The following TRIOBP variants were observed in gnomAD, a reference collection of about 807,000 sequenced individuals.
The protein encoded by TRIOBP is TRIO and F-actin-binding protein.
A neutral mutation model predicts 238.8 loss-of-function variants in TRIOBP; 169 were observed. The ratio of observed to expected loss-of-function variants is 0.71; its 90% confidence interval spans 0.62 to 0.80. TRIOBP has a LOEUF of 0.80. Ranked by LOEUF, TRIOBP falls within the 30% of genes least tolerant of loss-of-function variation. The pLI is 0.00. For synonymous variants in TRIOBP, 1,150 were observed against 1,274.4 expected (o/e 0.90, Z 2.08); for missense variants, 2,838 against 3,122.6 (o/e 0.91, Z 2.17).
At chr22:37,721,611 G>A (rs113981873) in intron 6 of TRIOBP, among the ~76,000 whole-genome samples, 207 of 152,290 alleles carry the variant, frequency 1.4e-3, no homozygotes, top group African/African-American at 4.5e-3. Flanking sequence ...CTAGGTAGCT[G>A]GGACTACAGG....
Position 37,765,831 on chromosome 22 carries a change from G to GT in TRIOBP, c.6472+14_6472+15insT, listed in dbSNP as rs546389039. Reference sequence around the variant, plus strand: ...CCACGGCCTCAGGTATGGACCCTGGGGGGGGCACAGTGGGCTGGGCTCTGA... The same window carrying GT: ...CCACGGCCTCAGGTATGGACCCTGGGTGGGGGCACAGTGGGCTGGGCTCTGA... On this transcript the variant is annotated intron_variant, in intron 18 of 23. Coordinates refer to ENST00000644935, the MANE Select transcript of TRIOBP (RefSeq NM_001039141.3). 490 of 1,586,038 alleles carry GT rather than the reference G, an allele frequency of 3.1e-4. No homozygotes were observed. Among genetic ancestry groups the GT allele is most frequent in the South Asian group, 2.1e-3 (184 of 88,276 alleles).
At chr22:37,765,482 AC>A (rs1354183409) in intron 17 of TRIOBP, among the ~76,000 whole-genome samples, 187 bp from the exon 18 acceptor site, 1 of 151,286 alleles carries the variant, frequency 6.6e-6, no homozygotes, top group Admixed American at 6.6e-5. Context: ...GGCAGGAGCG[AC>A]AAGGTGAGGT....
chr22:37,733,544 A>C (rs1177133036), intron 8 of TRIOBP, 132 bp downstream of exon 8: 2 of 712,798 alleles, frequency 2.8e-6, no homozygotes, highest in African/African-American at 3.5e-5. Flanking sequence ...AATCATGGGG[A>C]TCCAGCTCTC....
At chr22:37,767,348 C>T (rs563824887) in intron 18 of TRIOBP, among the ~76,000 whole-genome samples, 2 of 151,522 alleles carry the variant, frequency 1.3e-5, no homozygotes, top group Admixed American at 6.6e-5. Flanking sequence ...TTTCAATGTT[C>T]AGAAGTTTCG....
intron 6 of TRIOBP, among the ~76,000 whole-genome samples, chr22:37,717,931 C>T (rs1419824349): frequency 1.3e-5 from 2 of 152,214 alleles, no homozygotes; most frequent in South Asian, 2.1e-4. Flanking sequence ...CAGGAGCCCA[C>T]GGAGGCGGGG....
rs774197236 is a variant in TRIOBP at position 37,723,743 on chromosome 22, C to T, written c.1187C>T (p.Thr396Ile). The T allele has an allele frequency of 1.3e-6, 2 of 1,587,076 alleles. No homozygotes were observed. The highest frequency in any genetic ancestry group is 1.7e-6 in the Non-Finnish European group (2 of 1,163,376). Residue 396 changes from threonine to isoleucine, a missense_variant, in exon 7 of 24, where the codon ACC (threonine) becomes ATC (isoleucine). Transcript: ENST00000644935. ...CCCAGAGCCTCCTCTCCCAACAGAACCACTCAACGAGAGAATTCCAGAACA... is the reference window on the plus strand; with the variant it reads ...CCCAGAGCCTCCTCTCCCAACAGAATCACTCAACGAGAGAATTCCAGAACA... ...DDPRASSPNR[T>I]TQRENSRTSC...
intron 12 of TRIOBP, among the ~76,000 whole-genome samples, chr22:37,753,291 T>C (rs915979704): frequency 6.6e-6 from 1 of 151,950 alleles, no homozygotes; most frequent in African/African-American, 2.4e-5. Context: ...TTTTTTTTTC[T>C]GAGGCAGAGT....
chr22:37,769,226 C>A, intron 20 of TRIOBP, 36 bp from the exon 21 acceptor site: 2 of 1,603,718 alleles, frequency 1.2e-6, no homozygotes, highest in East Asian at 2.3e-5. Flanking sequence ...CGGGTGGGTC[C>A]CGGCACCCCT....
intron 11 of TRIOBP, among the ~76,000 whole-genome samples, chr22:37,743,352 G>C (rs1453643200): frequency 1.3e-5 from 2 of 152,234 alleles, no homozygotes; most frequent in African/African-American, 4.8e-5. Context: ...ATTATTCTCA[G>C]TAGAGTAACG....
chr22:37,760,405 G>A (rs1926184666), intron 17 of TRIOBP: 1 of 152,196 alleles, frequency 6.6e-6, no homozygotes, highest in Non-Finnish European at 1.5e-5. Flanking sequence ...CCAGCACAAA[G>A]TCCCTGGACA....
chr22:37,698,768 G>A (rs1922488952), intron 2 of TRIOBP, among the ~76,000 whole-genome samples: 1 of 151,796 alleles, frequency 6.6e-6, no homozygotes, highest in Non-Finnish European at 1.5e-5. Context: ...TTTGAGCCCG[G>A]GAGTTTGAGG....
chr22:37,711,653 T>C lies in TRIOBP; in HGVS notation c.254+1087T>C, dbSNP rs556058214. On this transcript the variant is annotated intron_variant, in intron 4 of 23. Transcript: ENST00000644935. ...AAACGAAAAAAAAAACAAAGACAGCTTTGTTATCAAGTATGTTTCAGAAAG... is the reference window on the plus strand; with the variant it reads ...AAACGAAAAAAAAAACAAAGACAGCCTTGTTATCAAGTATGTTTCAGAAAG... Among the ~76,000 whole-genome samples the C allele has an allele frequency of 2.3e-4, 34 of 150,120 alleles. No homozygotes were observed. In the South Asian group the frequency reaches 7.1e-3, roughly 32 times the overall value.
At chr22:37,746,281 G>T (rs759360046) in intron 11 of TRIOBP, 1 of 1,087,872 alleles carries the variant, frequency 9.2e-7, no homozygotes, top group Non-Finnish European at 1.1e-6. Context: ...GGAAAGGAAG[G>T]GCCGGAGGCG....
intron 11 of TRIOBP, among the ~76,000 whole-genome samples, chr22:37,748,469 A>G (rs1296419530): frequency 6.6e-6 from 1 of 152,024 alleles, no homozygotes; most frequent in African/African-American, 2.4e-5. Context: ...CTGGGCATCA[A>G]ATTATATTTG....
chr22:37,726,442 G>T lies in TRIOBP; in HGVS notation c.3886G>T (p.Gly1296Trp), dbSNP rs775572528. Residue 1296 changes from glycine to tryptophan, a missense_variant, in exon 7 of 24, where the codon GGG (glycine) becomes TGG (tryptophan). Transcript: ENST00000644935. ...QPGPQAQCSS[G>W]GRTHSPGRAE... The stretch of plus-strand genomic sequence containing the variant: ...AGGGCCCCAGGCGCAGTGCAGCAGC[G>T]GGGGCCGCACCCACAGCCCTGGCCG... 3 of 1,574,482 alleles carry T rather than the reference G, an allele frequency of 1.9e-6. No homozygotes were observed. The highest frequency in any genetic ancestry group is 1.3e-5 in the African/African-American group (1 of 74,512).
chr22:37,721,392 G>GC (rs1163488643), intron 6 of TRIOBP, among the ~76,000 whole-genome samples: 2 of 152,240 alleles, frequency 1.3e-5, no homozygotes, highest in Non-Finnish European at 2.9e-5. Flanking sequence ...GCTGGACGAG[G>GC]CAGTGGCTGC....
chr22:37,713,151 G>T, intron 4 of TRIOBP, 59 bp from the exon 5 acceptor site: 1 of 1,484,410 alleles, frequency 6.7e-7, no homozygotes, highest in Non-Finnish European at 9.2e-7. Flanking sequence ...CATATGCCTG[G>T]GTGGGGTGGG....
At chr22:37,720,939 C>T (rs1165435373) in intron 6 of TRIOBP, among the ~76,000 whole-genome samples, 1 of 152,090 alleles carries the variant, frequency 6.6e-6, no homozygotes, top group Non-Finnish European at 1.5e-5. Flanking sequence ...CTCACTGCAA[C>T]CTCCACCTCC....
rs937488020 is a variant in TRIOBP, at chr22:37,765,869, A to C, written c.6472+52A>C. ...GGCTGGGCTCTGAGCCTCTGTGCTGAGGTTCCTCCTAGCCAAACTGGGGAG... is the reference window on the plus strand; with the variant it reads ...GGCTGGGCTCTGAGCCTCTGTGCTGCGGTTCCTCCTAGCCAAACTGGGGAG... On this transcript the variant is annotated intron_variant, in intron 18 of 23. Coordinates refer to ENST00000644935, the MANE Select transcript of TRIOBP (RefSeq NM_001039141.3). The C allele has an allele frequency of 7.1e-6, 11 of 1,546,590 alleles. No homozygotes were observed. In the African/African-American group the frequency reaches 1.4e-4, roughly 19 times the overall value.
Sources: gnomAD v4.1 joint callset for allele counts (sites outside exome capture counted in the v4.1 genomes callset) on GRCh38, gnomAD v4.1.1 for gene constraint, MANE v1.5 for transcripts, NCBI Gene and HGNC (gene_info 2026-07-23, HGNC 2026-07-21) for gene names.